Variants in NSUN6 observed in about 807,000 individuals in gnomAD.
The protein encoded by NSUN6 is NOP2/Sun RNA methyltransferase 6.
NSUN6 carries 64 observed loss-of-function variants against 58.0 expected under a neutral mutation model. That is an observed-to-expected ratio of 1.10 (90% CI 0.90 to 1.36). The LOEUF (loss-of-function observed/expected upper bound fraction) is 1.36, where lower values mean the gene tolerates loss of function less well. Ranked by LOEUF, NSUN6 falls within the 40% of genes most tolerant of loss-of-function variation. The probability of loss-of-function intolerance (pLI) is 0.00; values close to 1 mark genes in which losing one functional copy is unlikely to be tolerated. For synonymous variants in NSUN6, 231 were observed against 193.9 expected (o/e 1.19, Z -1.59); for missense variants, 701 against 550.1 (o/e 1.27, Z -2.74).
intron 8 of NSUN6, among the ~76,000 whole-genome samples, chr10:18,573,713 C>A (rs527780506): frequency 2.0e-5 from 3 of 152,164 alleles, no homozygotes; most frequent in East Asian, 3.9e-4. Flanking sequence ...AGGGTTGCTA[C>A]GAGTCTCAAA....
intron 6 of NSUN6, among the ~76,000 whole-genome samples, chr10:18,604,729 T>C (rs2057980993): frequency 6.6e-6 from 1 of 151,634 alleles, no homozygotes; most frequent in Non-Finnish European, 1.5e-5. Flanking sequence ...CTACTAAAAA[T>C]ACAAAAATTA....
At chr10:18,603,032 C>T (rs1037247580) in intron 6 of NSUN6, among the ~76,000 whole-genome samples, 1 of 152,170 alleles carries the variant, frequency 6.6e-6, no homozygotes, top group African/African-American at 2.4e-5. Context: ...GTGGCTCACT[C>T]CTGTAATCTC....
chr10:18,600,408 T>C (rs538438883), intron 6 of NSUN6, among the ~76,000 whole-genome samples: 2 of 152,192 alleles, frequency 1.3e-5, no homozygotes, highest in South Asian at 4.2e-4. Context: ...GAGGACCGCT[T>C]CAGGCCAGGG....
chr10:18,545,925 T>C lies in NSUN6; in HGVS notation c.*8A>G, dbSNP rs2054225461. On this transcript the variant is annotated 3_prime_UTR_variant, in exon 11 of 11. Transcript: ENST00000377304. ...TGGAATTTTCATTTCTGAGCATCCATCCCTCTCCTATGTGCTTTTGCATTT... is the reference window on the plus strand; with the variant it reads ...TGGAATTTTCATTTCTGAGCATCCACCCCTCTCCTATGTGCTTTTGCATTT... 2.2e-6 allele frequency: 3 copies of C among 1,340,324 alleles called. No individual in the cohort carries two copies. Among genetic ancestry groups the C allele is most frequent in the East Asian group, 2.4e-5 (1 of 41,994 alleles). 83.0% of individuals were successfully genotyped at this position (1,340,324 alleles called of 1,614,324 possible). A position where few individuals can be genotyped will look rare whatever the true frequency, so the allele number is the denominator to read the frequency against.
At chr10:18,650,680 G>C (rs964340806) in intron 1 of NSUN6, among the ~76,000 whole-genome samples, 3 of 152,146 alleles carry the variant, frequency 2.0e-5, no homozygotes, top group Admixed American at 6.5e-5. Context: ...TCTATTAAAA[G>C]AGGAAAAACC....
intron 6 of NSUN6, among the ~76,000 whole-genome samples, chr10:18,596,674 T>C (rs949412609): frequency 6.6e-6 from 1 of 152,230 alleles, no homozygotes; most frequent in Non-Finnish European, 1.5e-5. Flanking sequence ...GTTCTCAATA[T>C]TCTGGAAGCC....
At chr10:18,600,978 GTATATATATATATAT>G (rs2057813827) in intron 6 of NSUN6, among the ~76,000 whole-genome samples, 1 of 77,004 alleles carries the variant, frequency 1.3e-5, no homozygotes, top group African/African-American at 4.8e-5. Flanking sequence ...ATATATATAT[GTATATATATATATAT>G]TATATACTAG....
chr10:18,656,280 G>C (rs915976212), upstream of NSUN6, among the ~76,000 whole-genome samples: 1 of 152,090 alleles, frequency 6.6e-6, no homozygotes, highest in Non-Finnish European at 1.5e-5. Flanking sequence ...TTAAAAAATG[G>C]TGGCTTCCAG....
chr10:18,564,545 C>T (rs547684360), intron 8 of NSUN6, among the ~76,000 whole-genome samples: 1 of 149,748 alleles, frequency 6.7e-6, no homozygotes, highest in Non-Finnish European at 1.5e-5. Context: ...TTCCATTGTC[C>T]ATTCCATTCC....
At chr10:18,567,142 T>C (rs2056016514) in intron 8 of NSUN6, among the ~76,000 whole-genome samples, 1 of 151,334 alleles carries the variant, frequency 6.6e-6, no homozygotes, top group Non-Finnish European at 1.5e-5. Context: ...TTCCATTCCA[T>C]TCTCCATTAC....
chr10:18,609,844 CTTGTAAAAAT>C lies in NSUN6; in HGVS notation c.648_657del (p.Phe217IlefsTer6), dbSNP rs1362204825. On this transcript the variant is annotated frameshift_variant and splice_region_variant, in exon 6 of 11. Coordinates refer to ENST00000377304, the MANE Select transcript of NSUN6 (RefSeq NM_182543.5). LOFTEE classifies it high-confidence loss of function. ...AATATTTTACTTTTATACATACTTA[CTTGTAAAAAT>C]AAGTAACGGGGCAGTACACTGTCAA... is the stretch of plus-strand genomic sequence containing the variant. The C allele has an allele frequency of 6.7e-7, 1 of 1,483,446 alleles. No individual in the cohort carries two copies. Among genetic ancestry groups the C allele is most frequent in the Non-Finnish European group, 9.4e-7 (1 of 1,061,924 alleles). 91.9% of individuals were successfully genotyped at this position (1,483,446 alleles called of 1,614,324 possible).
At chr10:18,639,970 T>TATTCACTCTAA (rs1292801614) in intron 3 of NSUN6, among the ~76,000 whole-genome samples, 8 of 152,160 alleles carry the variant, frequency 5.3e-5, no homozygotes, top group Non-Finnish European at 1.0e-4. Flanking sequence ...AGTACACAAA[T>TATTCACTCTAA]ATTCACTCTA....
intron 2 of NSUN6, among the ~76,000 whole-genome samples, chr10:18,646,011 A>G (rs571104423): frequency 6.6e-6 from 1 of 152,258 alleles, no homozygotes; most frequent in South Asian, 2.1e-4. Context: ...CCTGGCCAAC[A>G]TGGTGAAATC....
At chr10:18,553,126 C>T (rs917783123) in intron 8 of NSUN6, among the ~76,000 whole-genome samples, 6 of 151,486 alleles carry the variant, frequency 4.0e-5, no homozygotes, top group African/African-American at 1.5e-4. Context: ...GTTCGATTCT[C>T]CATTCCATTC....
rs113057794 is a variant in NSUN6, at chr10:18,616,716, A to G, written c.312-423T>C. The stretch of plus-strand genomic sequence containing the variant: ...AATTTAAACAAGACAGGAAAAGAAG[A>G]TAAGTCTTTTTTCCTTCCTTTGCTG... On this transcript the variant is annotated intron_variant, in intron 3 of 10. Coordinates refer to ENST00000377304, the MANE Select transcript of NSUN6 (RefSeq NM_182543.5). 5.3e-5 allele frequency among the ~76,000 whole-genome samples: 8 copies of G among 152,312 alleles called. 1 individual carries two copies. Among genetic ancestry groups the G allele is most frequent in the African/African-American group, 1.4e-4 (6 of 41,566 alleles).
chr10:18,554,530 A>G (rs2133437794), intron 8 of NSUN6, among the ~76,000 whole-genome samples: 1 of 150,982 alleles, frequency 6.6e-6, no homozygotes, highest in South Asian at 2.1e-4. Context: ...TGGAATGCAG[A>G]ATGGGTATGA....
At chr10:18,550,908 T>C (rs1050742487) in intron 9 of NSUN6, among the ~76,000 whole-genome samples, 10 of 151,998 alleles carry the variant, frequency 6.6e-5, no homozygotes, top group Non-Finnish European at 1.3e-4. Context: ...GTATTTTTAG[T>C]AGAGACGGGG....
Position 18,551,848 on chromosome 10 carries a change from G to A in NSUN6, c.1046C>T (p.Pro349Leu). Residue 349 changes from proline to leucine, a missense_variant, in exon 9 of 11, where the codon CCA becomes CTA. Transcript: ENST00000377304. ...TGCAGTGAAGAGTTTTCGCTGTAAT[G>A]GCTGATATGATGCCACTTCCTTCAC... ...WSVKEVASYQPLQRKLFTAAV... is the reference protein window; with the variant it reads ...WSVKEVASYQLLQRKLFTAAV... The A allele has an allele frequency of 6.2e-7, 1 of 1,613,496 alleles. No individual in the cohort carries two copies. The highest frequency in any genetic ancestry group is 1.3e-5 in the African/African-American group (1 of 75,034).
At chr10:18,584,681 C>A (rs1462393127) in intron 8 of NSUN6, among the ~76,000 whole-genome samples, 1 of 152,022 alleles carries the variant, frequency 6.6e-6, no homozygotes, top group African/African-American at 2.4e-5. Flanking sequence ...CCAAAAAGAA[C>A]AACTAGCTCT....
Sources: gnomAD v4.1 joint callset for allele counts (sites outside exome capture counted in the v4.1 genomes callset) on GRCh38, gnomAD v4.1.1 for gene constraint, MANE v1.5 for transcripts, NCBI Gene and HGNC (gene_info 2026-07-23, HGNC 2026-07-21) for gene names.